PARD3: variants seen among roughly 807,000 people sequenced by gnomAD.
PARD3 encodes the protein par-3 family cell polarity regulator.
A neutral mutation model predicts 155.4 loss-of-function variants in PARD3; 75 were observed. That is an observed-to-expected ratio of 0.48 (90% CI 0.40 to 0.58). The LOEUF (loss-of-function observed/expected upper bound fraction) is 0.58, where lower values mean the gene tolerates loss of function less well. Among genes scored for constraint, PARD3 ranks in the 20% least tolerant of loss-of-function variants. The pLI is 0.00. For synonymous variants in PARD3, 576 were observed against 610.5 expected (o/e 0.94, Z 0.83); for missense variants, 1,642 against 1,721.7 (o/e 0.95, Z 0.82).
intron 3 of PARD3, among the ~76,000 whole-genome samples, chr10:34,477,880 T>C (rs1221235220): frequency 1.3e-5 from 2 of 152,214 alleles, no homozygotes; most frequent in South Asian, 2.1e-4. Flanking sequence ...CTCTCTCCCA[T>C]CTTCAGGGCA....
At chr10:34,304,859 A>G (rs1373382332) in intron 20 of PARD3, among the ~76,000 whole-genome samples, 1 of 152,262 alleles carries the variant, frequency 6.6e-6, no homozygotes, top group East Asian at 1.9e-4. Flanking sequence ...TATTGGCTAC[A>G]TGAGAAATAG....
rs541816546 is a variant in PARD3, at chr10:34,320,390, C to T, written c.2834-3052G>A. Among the ~76,000 whole-genome samples the T allele has an allele frequency of 1.1e-3, 160 of 152,288 alleles. 1 individual carries two copies. The South Asian group carries it at 0.013, about 13-fold the overall frequency. ...ATTTAATAGATTTTACGACCCTCTA[C>T]AATGTCTGAAACTATAAACAGAAAA... On this transcript the variant is annotated intron_variant, in intron 19 of 24. Coordinates refer to ENST00000374788, the MANE Select transcript of PARD3 (RefSeq NM_001184785.2).
At chr10:34,422,186 G>GCCTTTCTAACTTT (rs1564695442) in intron 5 of PARD3, among the ~76,000 whole-genome samples, 58 of 150,836 alleles carry the variant, frequency 3.8e-4, no homozygotes, top group African/African-American at 1.4e-3. Context: ...TTTAAAGTTA[G>GCCTTTCTAACTTT]AAAGGCTGAG....
At chr10:34,752,398 G>A (rs536064294) in intron 1 of PARD3, among the ~76,000 whole-genome samples, 7 of 152,074 alleles carry the variant, frequency 4.6e-5, no homozygotes, top group Admixed American at 1.3e-4. Context: ...TCAGCATGTC[G>A]TGCAGACATC....
intron 2 of PARD3, among the ~76,000 whole-genome samples, chr10:34,625,657 A>G (rs1425287296): frequency 6.6e-6 from 1 of 152,220 alleles, no homozygotes; most frequent in African/African-American, 2.4e-5. Flanking sequence ...TCACGCCTGT[A>G]ATCCCAGCAC....
chr10:34,354,154 C>T (rs963795073), intron 14 of PARD3, among the ~76,000 whole-genome samples: 7 of 146,216 alleles, frequency 4.8e-5, no homozygotes, highest in East Asian at 2.0e-4. Flanking sequence ...AAAAAAAAAA[C>T]GCCAGATGGT....
At chr10:34,479,601 G>A (rs2078943746) in intron 3 of PARD3, among the ~76,000 whole-genome samples, 1 of 152,104 alleles carries the variant, frequency 6.6e-6, no homozygotes, top group African/African-American at 2.4e-5. Context: ...ATCACCCAAT[G>A]TTTAGCCCCT....
At chr10:34,708,694 G>C (rs1325614526) in intron 1 of PARD3, among the ~76,000 whole-genome samples, 1 of 152,062 alleles carries the variant, frequency 6.6e-6, no homozygotes, top group Non-Finnish European at 1.5e-5. Flanking sequence ...AAGAGAAAAC[G>C]TTAAAAATAT....
chr10:34,534,130 G>C (rs1348173877), intron 2 of PARD3, among the ~76,000 whole-genome samples: 1 of 151,950 alleles, frequency 6.6e-6, no homozygotes, highest in Non-Finnish European at 1.5e-5. Flanking sequence ...GCCGGGCATG[G>C]TGGCGGGCGC....
At chr10:34,171,470 G>A (rs1253353562) in intron 22 of PARD3, among the ~76,000 whole-genome samples, 2 of 152,146 alleles carry the variant, frequency 1.3e-5, no homozygotes, top group Non-Finnish European at 2.9e-5. Flanking sequence ...TTAACTTGTA[G>A]AAGTAAGAGA....
At chr10:34,601,831 G>A (rs1426385389) in intron 2 of PARD3, among the ~76,000 whole-genome samples, 1 of 152,092 alleles carries the variant, frequency 6.6e-6, no homozygotes, top group African/African-American at 2.4e-5. Context: ...CTTTTTATGT[G>A]TGCTTAAAAT....
At chr10:34,744,844 G>A (rs16935679) in intron 1 of PARD3, among the ~76,000 whole-genome samples, 33,073 of 152,184 alleles carry the variant, frequency 0.22, 4,715 homozygotes, top group East Asian at 0.54. Flanking sequence ...GATAAGAGGG[G>A]AGATTAGAAA....
chr10:34,287,494 G>A (rs995272157), intron 20 of PARD3, among the ~76,000 whole-genome samples: 24 of 151,844 alleles, frequency 1.6e-4, no homozygotes, highest in Admixed American at 4.6e-4. Flanking sequence ...GTACAGTTTA[G>A]TCTTTAAGAA....
At chr10:34,365,755 T>A (rs1331995897) in intron 12 of PARD3, among the ~76,000 whole-genome samples, 2 of 152,130 alleles carry the variant, frequency 1.3e-5, no homozygotes, top group Non-Finnish European at 2.9e-5. Context: ...ACCTGGCTAA[T>A]TTTTATGTTT....
At chr10:34,215,912 G>T (rs1177566404) in intron 22 of PARD3, among the ~76,000 whole-genome samples, 1 of 152,098 alleles carries the variant, frequency 6.6e-6, no homozygotes, top group Non-Finnish European at 1.5e-5. Context: ...GACATTTGTG[G>T]TTTGCATTTG....
intron 22 of PARD3, among the ~76,000 whole-genome samples, chr10:34,250,445 C>T (rs1288974117): frequency 2.6e-5 from 4 of 152,064 alleles, no homozygotes; most frequent in Non-Finnish European, 5.9e-5. Context: ...ATTTCAGCAA[C>T]CTTTAAATCA....
intron 22 of PARD3, among the ~76,000 whole-genome samples, chr10:34,217,794 G>A (rs1459282153): frequency 6.6e-6 from 1 of 152,142 alleles, no homozygotes. Flanking sequence ...TAGGTACTAG[G>A]AACACAATGT....
intron 2 of PARD3, among the ~76,000 whole-genome samples, chr10:34,646,677 T>C (rs926702984): frequency 1.1e-4 from 16 of 152,204 alleles, no homozygotes; most frequent in Non-Finnish European, 1.9e-4. Context: ...TTGCTTTTCG[T>C]GTGCGTGAGA....
intron 2 of PARD3, among the ~76,000 whole-genome samples, chr10:34,540,673 C>T (rs1415723414): frequency 6.6e-6 from 1 of 151,966 alleles, no homozygotes; most frequent in Non-Finnish European, 1.5e-5. Context: ...CTCAACTAGT[C>T]GAAAGACTGA....
Sources: allele counts gnomAD v4.1 joint callset (sites outside exome capture counted in the v4.1 genomes callset), GRCh38; gene constraint gnomAD v4.1.1; transcripts MANE v1.5; gene names NCBI Gene and HGNC (gene_info 2026-07-23, HGNC 2026-07-21).